Variants in MAML3 observed in about 807,000 individuals in gnomAD.
The protein encoded by MAML3 is mastermind like transcriptional coactivator 3.
MAML3 carries 27 observed loss-of-function variants against 101.9 expected under a neutral mutation model. The ratio of observed to expected loss-of-function variants is 0.27; its 90% CI spans 0.20 to 0.37. The LOEUF is 0.37. Ranked by LOEUF, MAML3 falls within the 10% of genes least tolerant of loss-of-function variation. The probability of loss-of-function intolerance (pLI) is 1.00; values close to 1 mark genes in which losing one functional copy is unlikely to be tolerated. For missense variants in MAML3, 1,316 were observed against 1,444.9 expected (o/e 0.91, Z 1.45); for synonymous variants, 501 against 555.9 (o/e 0.90, Z 1.39).
At chr4:139,941,857 G>A (rs1183279276) in intron 1 of MAML3, among the ~76,000 whole-genome samples, 1 of 152,160 alleles carries the variant, frequency 6.6e-6, no homozygotes, top group Non-Finnish European at 1.5e-5. Context: ...TACCAAGCCG[G>A]TCACGATGGC....
intron 1 of MAML3, among the ~76,000 whole-genome samples, chr4:140,015,568 G>A (rs1485596079): frequency 2.0e-5 from 3 of 152,136 alleles, no homozygotes; most frequent in African/African-American, 2.4e-5. Flanking sequence ...CTGATACCAC[G>A]AACAAAGCAA....
intron 1 of MAML3, among the ~76,000 whole-genome samples, chr4:139,900,633 C>A (rs568674352): frequency 6.6e-6 from 1 of 152,190 alleles, no homozygotes; most frequent in Non-Finnish European, 1.5e-5. Context: ...AAACTCTATA[C>A]GTGCAGTTTA....
At chr4:139,752,446 C>T (rs1348651130) in intron 2 of MAML3, among the ~76,000 whole-genome samples, 1 of 152,142 alleles carries the variant, frequency 6.6e-6, no homozygotes, top group Non-Finnish European at 1.5e-5. Context: ...CCTAGCCTGG[C>T]TCTCTCTGTG....
chr4:139,811,609 C>G (rs1463693685), intron 2 of MAML3, among the ~76,000 whole-genome samples: 2 of 152,168 alleles, frequency 1.3e-5, no homozygotes, highest in African/African-American at 2.4e-5. Context: ...AAGGACTTGC[C>G]AAGTAACCTG....
At chr4:139,834,127 C>A (rs906442130) in intron 2 of MAML3, among the ~76,000 whole-genome samples, 1 of 152,208 alleles carries the variant, frequency 6.6e-6, no homozygotes, top group African/African-American at 2.4e-5. Flanking sequence ...GAGAACGCTG[C>A]CATTTTGAAA....
chr4:140,016,218 A>C (rs1578644002), intron 1 of MAML3, among the ~76,000 whole-genome samples: 1 of 152,328 alleles, frequency 6.6e-6, no homozygotes, highest in Middle Eastern at 3.4e-3. Flanking sequence ...ATTTAGGTAT[A>C]ACTCTAACAA....
chr4:139,990,343 T>C (rs1447004430), intron 1 of MAML3, among the ~76,000 whole-genome samples: 2 of 151,982 alleles, frequency 1.3e-5, no homozygotes, highest in Non-Finnish European at 2.9e-5. Context: ...TTTGACAAAA[T>C]TCAACAACTC....
chr4:140,083,985 G>C (rs1250094610), intron 1 of MAML3, among the ~76,000 whole-genome samples: 174 of 149,208 alleles, frequency 1.2e-3, no homozygotes, highest in African/African-American at 3.6e-3. Context: ...GAGAGAGAGA[G>C]AGAGAGAGAG....
chr4:139,958,905 G>A (rs1052380951), intron 1 of MAML3, among the ~76,000 whole-genome samples: 4 of 152,172 alleles, frequency 2.6e-5, no homozygotes, highest in African/African-American at 9.7e-5. Context: ...TCTTGCAATA[G>A]TATTGGACTC....
intron 2 of MAML3, among the ~76,000 whole-genome samples, chr4:139,736,118 A>G (rs1045222767): frequency 1.3e-5 from 2 of 152,158 alleles, no homozygotes; most frequent in East Asian, 3.8e-4. Context: ...ACACACATAC[A>G]CACACACTCA....
chr4:140,122,574 C>T (rs1231260616), intron 1 of MAML3, among the ~76,000 whole-genome samples: 2 of 151,686 alleles, frequency 1.3e-5, no homozygotes, highest in African/African-American at 2.4e-5. Flanking sequence ...GGGCGGATCA[C>T]GAGGTCAGGA....
chr4:140,075,863 C>T (rs996876983), intron 1 of MAML3, among the ~76,000 whole-genome samples: 59 of 152,280 alleles, frequency 3.9e-4, no homozygotes, highest in African/African-American at 1.3e-3. Flanking sequence ...CGGATTCAAG[C>T]GATTCTCCCA....
intron 1 of MAML3, among the ~76,000 whole-genome samples, chr4:140,045,814 A>C (rs771795657): frequency 2.0e-5 from 3 of 152,224 alleles, no homozygotes; most frequent in Non-Finnish European, 4.4e-5. Flanking sequence ...AAGTATTGGT[A>C]AGAGCAGCTG....
chr4:140,021,437 A>G (rs1482476879), intron 1 of MAML3, among the ~76,000 whole-genome samples: 1 of 152,222 alleles, frequency 6.6e-6, no homozygotes, highest in Non-Finnish European at 1.5e-5. Context: ...TGTGCCAGGC[A>G]TTTTGGATAC....
chr4:139,885,949 A>AAAAAAAAAG, intron 2 of MAML3, among the ~76,000 whole-genome samples: 1 of 144,862 alleles, frequency 6.9e-6, no homozygotes, highest in East Asian at 2.0e-4. Context: ...AAAAAAAAAA[A>AAAAAAAAAG]AAAAAAAAGA....
chr4:139,874,155 A>G (rs1416935055), intron 2 of MAML3, among the ~76,000 whole-genome samples: 1 of 152,126 alleles, frequency 6.6e-6, no homozygotes, highest in Non-Finnish European at 1.5e-5. Context: ...TCATCTACTG[A>G]GGTACCAGAA....
At chr4:139,729,982 C>A (rs191009274) in intron 3 of MAML3, among the ~76,000 whole-genome samples, 1 of 152,290 alleles carries the variant, frequency 6.6e-6, no homozygotes, top group Non-Finnish European at 1.5e-5. Context: ...CTATAGAATT[C>A]TTCTCAATTC....
At chr4:140,032,942 G>A (rs760798651) in intron 1 of MAML3, among the ~76,000 whole-genome samples, 7 of 151,156 alleles carry the variant, frequency 4.6e-5, no homozygotes, top group Admixed American at 2.6e-4. Context: ...AGAAAATATC[G>A]GGCTCTTGTG....
intron 1 of MAML3, among the ~76,000 whole-genome samples, chr4:139,991,757 G>A (rs1402719194): frequency 6.6e-6 from 1 of 151,988 alleles, no homozygotes; most frequent in African/African-American, 2.4e-5. Flanking sequence ...TGAAGCAGGG[G>A]GATCATTGAG....
Sources: gnomAD v4.1 joint callset for allele counts (sites outside exome capture counted in the v4.1 genomes callset) on GRCh38, gnomAD v4.1.1 for gene constraint, MANE v1.5 for transcripts, NCBI Gene and HGNC (gene_info 2026-07-23, HGNC 2026-07-21) for gene names.